FHIT: variants seen among roughly 807,000 people sequenced by gnomAD.
The protein encoded by FHIT is fragile histidine triad diadenosine triphosphatase, also known as bis(5'-adenosyl)-triphosphatase.
A neutral mutation model predicts 17.9 loss-of-function variants in FHIT; 19 were observed. The ratio of observed to expected loss-of-function variants is 1.06; its 90% CI spans 0.74 to 1.56. The LOEUF (loss-of-function observed/expected upper bound fraction) is 1.56. FHIT is among the 40% of genes most tolerant of loss of function. The pLI, the probability that FHIT is intolerant of heterozygous loss-of-function variation, is 0.00. For missense variants in FHIT, 248 were observed against 189.2 expected (o/e 1.31, Z -1.82); for synonymous variants, 81 against 69.7 (o/e 1.16, Z -0.81).
chr3:60,021,864 C>T (rs938946419), intron 5 of FHIT, among the ~76,000 whole-genome samples: 5 of 152,154 alleles, frequency 3.3e-5, no homozygotes, highest in Admixed American at 6.5e-5. Flanking sequence ...AGCCCTGCTT[C>T]CACGGGATGC....
chr3:60,020,267 T>A (rs953493177), intron 5 of FHIT, among the ~76,000 whole-genome samples: 1 of 152,210 alleles, frequency 6.6e-6, no homozygotes, highest in African/African-American at 2.4e-5. Context: ...TTAGGAGGAT[T>A]TCCATGACAA....
At chr3:60,001,509 G>T (rs1699728070) in intron 7 of FHIT, among the ~76,000 whole-genome samples, 1 of 152,152 alleles carries the variant, frequency 6.6e-6, no homozygotes, top group African/African-American at 2.4e-5. Flanking sequence ...TCCTGGAAGG[G>T]AGGAACAGAC....
intron 5 of FHIT, among the ~76,000 whole-genome samples, chr3:60,441,796 AT>A (rs2030892653): frequency 1.2e-4 from 8 of 66,086 alleles, no homozygotes; most frequent in African/African-American, 3.1e-4. Context: ...ATATATATAT[AT>A]ATATATATAT....
chr3:59,797,302 T>C (rs1699816981), intron 8 of FHIT, among the ~76,000 whole-genome samples: 1 of 151,978 alleles, frequency 6.6e-6, no homozygotes, highest in Admixed American at 6.6e-5. Context: ...TTCTCATGCC[T>C]CAGCTTCCCA....
intron 8 of FHIT, among the ~76,000 whole-genome samples, chr3:59,899,604 C>T (rs949204581): frequency 2.0e-5 from 3 of 151,810 alleles, no homozygotes; most frequent in Admixed American, 6.6e-5. Flanking sequence ...GAGGCCGAGG[C>T]GGACGGATTG....
At chr3:60,052,343 C>G (rs1165283397) in intron 5 of FHIT, among the ~76,000 whole-genome samples, 1 of 152,118 alleles carries the variant, frequency 6.6e-6, no homozygotes, top group Non-Finnish European at 1.5e-5. Context: ...TCTAGAATCC[C>G]TAGCCACCAA....
intron 2 of FHIT, among the ~76,000 whole-genome samples, chr3:61,083,779 T>G (rs955648109): frequency 5.9e-5 from 9 of 152,230 alleles, no homozygotes; most frequent in Non-Finnish European, 1.2e-4. Flanking sequence ...TGTGACTGGC[T>G]TCTTTCACTT....
intron 4 of FHIT, among the ~76,000 whole-genome samples, chr3:60,651,038 T>C (rs2107806810): frequency 6.6e-6 from 1 of 152,274 alleles, no homozygotes; most frequent in African/African-American, 2.4e-5. Flanking sequence ...ATTTTATGAA[T>C]TCATTAAAAA....
chr3:59,969,378 A>G (rs923939449), intron 7 of FHIT, among the ~76,000 whole-genome samples: 1 of 152,120 alleles, frequency 6.6e-6, no homozygotes, highest in Non-Finnish European at 1.5e-5. Flanking sequence ...GCTTCTATCC[A>G]TACAAAACAG....
chr3:60,081,726 T>G (rs1033130907), intron 5 of FHIT, among the ~76,000 whole-genome samples: 4 of 152,088 alleles, frequency 2.6e-5, no homozygotes, highest in African/African-American at 7.2e-5. Context: ...TATAGATCTG[T>G]GGGGTGTGTG....
intron 3 of FHIT, among the ~76,000 whole-genome samples, chr3:60,911,559 G>A (rs1706746122): frequency 6.6e-6 from 1 of 152,128 alleles, no homozygotes; most frequent in Admixed American, 6.5e-5. Context: ...TGGGTTCCCT[G>A]CAGAGCACTG....
At chr3:60,153,901 C>A (rs1700573060) in intron 5 of FHIT, among the ~76,000 whole-genome samples, 1 of 152,104 alleles carries the variant, frequency 6.6e-6, no homozygotes, top group Non-Finnish European at 1.5e-5. Flanking sequence ...CAATGAAGAA[C>A]AAGATAGACA....
intron 5 of FHIT, among the ~76,000 whole-genome samples, chr3:60,199,238 C>T (rs1231738921): frequency 4.6e-5 from 7 of 152,194 alleles, no homozygotes; most frequent in African/African-American, 1.4e-4. Flanking sequence ...AGCCTGAGAA[C>T]ATGTTACATC....
intron 2 of FHIT, among the ~76,000 whole-genome samples, chr3:61,105,850 T>G (rs1321664938): frequency 1.3e-5 from 2 of 152,308 alleles, no homozygotes; most frequent in African/African-American, 4.8e-5. Context: ...ATGAATCAAT[T>G]CAAAGACGCT....
chr3:60,076,529 A>G (rs1048401960), intron 5 of FHIT, among the ~76,000 whole-genome samples: 10 of 152,084 alleles, frequency 6.6e-5, no homozygotes, highest in Non-Finnish European at 1.5e-4. Flanking sequence ...TTCTTCTCTT[A>G]TTCTCTACTT....
At chr3:61,080,942 G>A (rs550998606) in intron 2 of FHIT, among the ~76,000 whole-genome samples, 2 of 152,078 alleles carry the variant, frequency 1.3e-5, no homozygotes, top group Admixed American at 6.6e-5. Flanking sequence ...GGCAAAAAGC[G>A]GAAGAGGCAG....
intron 5 of FHIT, among the ~76,000 whole-genome samples, chr3:60,287,226 T>C (rs904307464): frequency 6.6e-6 from 1 of 152,196 alleles, no homozygotes; most frequent in African/African-American, 2.4e-5. Flanking sequence ...TGGAGTGCAG[T>C]GGCAAGATCT....
chr3:59,881,518 C>T (rs1158069986), intron 8 of FHIT, among the ~76,000 whole-genome samples: 4 of 152,040 alleles, frequency 2.6e-5, no homozygotes, highest in Non-Finnish European at 4.4e-5. Context: ...TCTAATAGAA[C>T]CCTGAGGAAA....
chr3:59,915,735 T>A (rs1162049905), intron 8 of FHIT, among the ~76,000 whole-genome samples: 2 of 151,792 alleles, frequency 1.3e-5, no homozygotes, highest in Non-Finnish European at 2.9e-5. Context: ...AGGCTAGGAG[T>A]TTGAGACCAG....
Sources: allele counts gnomAD v4.1 joint callset (sites outside exome capture counted in the v4.1 genomes callset), GRCh38; gene constraint gnomAD v4.1.1; transcripts MANE v1.5; gene names NCBI Gene and HGNC (gene_info 2026-07-23, HGNC 2026-07-21).